ZNF385D: variants seen among roughly 807,000 people sequenced by gnomAD.
ZNF385D encodes the protein zinc finger protein 659.
Under a neutral mutation model 35.8 loss-of-function variants are expected in ZNF385D, and 15 were observed. The ratio of observed to expected loss-of-function variants is 0.42; its 90% CI spans 0.28 to 0.64. The LOEUF is 0.64. Ranked by LOEUF, ZNF385D falls within the 30% of genes least tolerant of loss-of-function variation. The probability of loss-of-function intolerance (pLI) is 0.23; values close to 1 mark genes in which losing one functional copy is unlikely to be tolerated. For synonymous variants in ZNF385D, 212 were observed against 186.8 expected (o/e 1.13, Z -1.10); for missense variants, 474 against 494.6 (o/e 0.96, Z 0.39).
At chr3:22,212,783 T>A (rs1009759035) in intron 2 of ZNF385D, among the ~76,000 whole-genome samples, 2 of 151,996 alleles carry the variant, frequency 1.3e-5, no homozygotes, top group African/African-American at 4.8e-5. Flanking sequence ...ATAGCTATAG[T>A]TAGCAAAGAA....
chr3:22,113,200 C>G (rs1252549548), intron 3 of ZNF385D, among the ~76,000 whole-genome samples: 1 of 152,032 alleles, frequency 6.6e-6, no homozygotes, highest in African/African-American at 2.4e-5. Context: ...CTTTGCAGTT[C>G]AAGTGCTGCT....
intron 3 of ZNF385D, among the ~76,000 whole-genome samples, chr3:21,768,555 A>G (rs1291007872): frequency 6.6e-6 from 1 of 151,824 alleles, no homozygotes; most frequent in Non-Finnish European, 1.5e-5. Flanking sequence ...AGTAGCAGCA[A>G]CCCCTCCCCA....
chr3:22,096,636 C>T (rs957600764), intron 3 of ZNF385D, among the ~76,000 whole-genome samples: 1 of 151,980 alleles, frequency 6.6e-6, no homozygotes, highest in African/African-American at 2.4e-5. Context: ...TATAGTTTGC[C>T]TGCAATAAAA....
chr3:21,570,824 C>T (rs1212136229), intron 2 of ZNF385D, among the ~76,000 whole-genome samples: 1 of 152,104 alleles, frequency 6.6e-6, no homozygotes, highest in East Asian at 1.9e-4. Flanking sequence ...CAACTATGAA[C>T]ATTTGTGACT....
chr3:21,674,719 G>T (rs1196645210), intron 1 of ZNF385D, among the ~76,000 whole-genome samples: 1 of 152,026 alleles, frequency 6.6e-6, no homozygotes, highest in Non-Finnish European at 1.5e-5. Flanking sequence ...CTGGTGCCCT[G>T]CTCTGGCCTG....
chr3:21,860,247 T>A (rs1368902704), intron 3 of ZNF385D, among the ~76,000 whole-genome samples: 2 of 152,122 alleles, frequency 1.3e-5, no homozygotes, highest in Non-Finnish European at 2.9e-5. Context: ...GCTGACATGA[T>A]CACTGTCATA....
chr3:21,698,344 A>G (rs1426414722), intron 1 of ZNF385D, among the ~76,000 whole-genome samples: 2 of 152,192 alleles, frequency 1.3e-5, no homozygotes, highest in Non-Finnish European at 2.9e-5. Flanking sequence ...AATGACTCAG[A>G]AACAGAAAAT....
intron 5 of ZNF385D, among the ~76,000 whole-genome samples, chr3:21,426,535 A>G (rs913622836): frequency 1.3e-5 from 2 of 151,686 alleles, no homozygotes; most frequent in African/African-American, 2.4e-5. Flanking sequence ...TTTTTTTTAG[A>G]GTTGATAAGT....
At chr3:22,045,600 G>T (rs142528284) in intron 3 of ZNF385D, among the ~76,000 whole-genome samples, 1 of 152,126 alleles carries the variant, frequency 6.6e-6, no homozygotes, top group African/African-American at 2.4e-5. Context: ...CACCCGCATA[G>T]TGTAGACAGT....
chr3:22,102,949 C>A (rs997355671), intron 3 of ZNF385D, among the ~76,000 whole-genome samples: 5 of 148,746 alleles, frequency 3.4e-5, no homozygotes, highest in African/African-American at 9.8e-5. Flanking sequence ...CCAAAGCTGG[C>A]AAATTATTTT....
intron 4 of ZNF385D, among the ~76,000 whole-genome samples, chr3:21,444,317 C>G (rs947140378): frequency 1.3e-5 from 2 of 149,874 alleles, no homozygotes; most frequent in African/African-American, 4.9e-5. Flanking sequence ...CCTGACCTGA[C>G]GATCTGCCCA....
At chr3:22,096,202 C>A (rs1302723302) in intron 3 of ZNF385D, among the ~76,000 whole-genome samples, 2 of 151,868 alleles carry the variant, frequency 1.3e-5, no homozygotes, top group Admixed American at 1.3e-4. Context: ...GGTTGAAAAA[C>A]CGACTGTTGA....
intron 3 of ZNF385D, among the ~76,000 whole-genome samples, chr3:21,780,958 T>C (rs538291437): frequency 3.9e-5 from 6 of 152,102 alleles, no homozygotes; most frequent in African/African-American, 1.4e-4. Context: ...ACATAAAATC[T>C]CCAAGTTTAG....
intron 2 of ZNF385D, among the ~76,000 whole-genome samples, chr3:22,207,509 C>T (rs1037054035): frequency 6.6e-6 from 1 of 151,854 alleles, no homozygotes; most frequent in Non-Finnish European, 1.5e-5. Flanking sequence ...ATTGGGAAAA[C>T]TCTTCCACAC....
chr3:22,279,387 C>T (rs1701599777), intron 2 of ZNF385D, among the ~76,000 whole-genome samples: 1 of 151,694 alleles, frequency 6.6e-6, no homozygotes, highest in African/African-American at 2.4e-5. Flanking sequence ...AATTACTTCA[C>T]TTAGAATGAT....
At chr3:21,774,922 A>G (rs2071224948) in intron 3 of ZNF385D, among the ~76,000 whole-genome samples, 1 of 151,958 alleles carries the variant, frequency 6.6e-6, no homozygotes, top group African/African-American at 2.4e-5. Context: ...AGGTCCAGGT[A>G]ATAGTATGCT....
intron 3 of ZNF385D, among the ~76,000 whole-genome samples, chr3:21,962,226 A>G (rs1325306465): frequency 2.6e-5 from 4 of 152,152 alleles, no homozygotes; most frequent in African/African-American, 7.2e-5. Flanking sequence ...TGCTGGATGT[A>G]AAGAGAAGTA....
chr3:22,283,267 A>G (rs906544263), intron 2 of ZNF385D, among the ~76,000 whole-genome samples: 1 of 152,160 alleles, frequency 6.6e-6, no homozygotes, highest in Non-Finnish European at 1.5e-5. Flanking sequence ...AGCTCTAGAC[A>G]GGTCATCAAG....
chr3:21,998,486 TC>T (rs1301677636), intron 3 of ZNF385D, among the ~76,000 whole-genome samples: 1 of 152,222 alleles, frequency 6.6e-6, no homozygotes. Flanking sequence ...AATGTAGACA[TC>T]AGCCACAGGG....
Sources: gnomAD v4.1 joint callset for allele counts (sites outside exome capture counted in the v4.1 genomes callset) on GRCh38, gnomAD v4.1.1 for gene constraint, MANE v1.5 for transcripts, NCBI Gene and HGNC (gene_info 2026-07-23, HGNC 2026-07-21) for gene names.